FCER1A: variants seen among roughly 807,000 people sequenced by gnomAD.
FCER1A encodes high affinity immunoglobulin epsilon receptor subunit alpha.
FCER1A carries 24 observed loss-of-function variants against 23.6 expected under a neutral mutation model. The ratio of observed to expected loss-of-function variants is 1.02; its 90% CI spans 0.74 to 1.43. The LOEUF (loss-of-function observed/expected upper bound fraction) is 1.43, where lower values mean the gene tolerates loss of function less well. Among genes scored for constraint, FCER1A ranks in the 40% most tolerant of loss-of-function variants. FCER1A has a pLI of 0.00. For missense variants in FCER1A, 318 were observed against 294.5 expected (o/e 1.08, Z -0.58); for synonymous variants, 121 against 108.8 (o/e 1.11, Z -0.70).
At chr1:159,296,136 C>A (rs1480457986) in intron 1 of FCER1A, among the ~76,000 whole-genome samples, 4 of 151,856 alleles carry the variant, frequency 2.6e-5, no homozygotes, top group Non-Finnish European at 2.9e-5. Flanking sequence ...ATATTTTTAA[C>A]CTTTTGTGAT....
chr1:159,294,932 C>T (rs1437021035), intron 1 of FCER1A, among the ~76,000 whole-genome samples: 2 of 152,004 alleles, frequency 1.3e-5, no homozygotes, highest in African/African-American at 4.8e-5. Context: ...TATAATTAGC[C>T]AAAATTCTAC....
At chr1:159,305,861 A>T (rs928405005) in intron 3 of FCER1A, 127 bp from the exon 4 acceptor site, 1 of 813,670 alleles carries the variant, frequency 1.2e-6, no homozygotes, top group Non-Finnish European at 1.9e-6. Context: ...CCACTTTATG[A>T]GCCAAAAAGT....
At position 159,308,088 on chromosome 1, in the gene FCER1A, C is replaced by T. The variant is rs1652672253; in HGVS notation, c.*156C>T. 2.0e-6 allele frequency: 1 copy of T among 509,010 alleles called. No homozygotes were observed. Among genetic ancestry groups the T allele is most frequent in the South Asian group, 4.3e-5 (1 of 23,146 alleles). The allele number at this position is 509,010 out of a possible 1,614,324, so 31.5% of individuals were successfully genotyped here. On this transcript the variant is annotated 3_prime_UTR_variant, in exon 5 of 5. Transcript: ENST00000693622. ...AAACTGAGTGAAACTGGTTAAGTGG[C>T]ATGTAATAGTAAGTGCTCAATTAAC...
upstream of FCER1A, among the ~76,000 whole-genome samples, chr1:159,286,754 G>T (rs1652030535): frequency 6.6e-6 from 1 of 152,148 alleles, no homozygotes; most frequent in Non-Finnish European, 1.5e-5. Flanking sequence ...TGGGGTGCAA[G>T]CTAAAAATGA....
At position 159,307,675 on chromosome 1, in the gene FCER1A, A is replaced by T; in HGVS notation, c.590-73A>T. On this transcript the variant is annotated intron_variant, in intron 4 of 4. Coordinates refer to ENST00000693622, the MANE Select transcript of FCER1A (RefSeq NM_001387280.1). ...AAGCTTGGTCTTTCTCTTAGGGAGGATGAAACTCTGAACCTCATTTTTCAG... is the reference window on the plus strand; with the variant it reads ...AAGCTTGGTCTTTCTCTTAGGGAGGTTGAAACTCTGAACCTCATTTTTCAG... 6 of 1,146,622 alleles carry T rather than the reference A, an allele frequency of 5.2e-6. No homozygotes were observed. In the Admixed American group the frequency reaches 5.8e-5, roughly 11 times the overall value. 71.0% of individuals were successfully genotyped at this position (1,146,622 alleles called of 1,614,324 possible).
At chr1:159,287,552 T>G (rs1313254098), upstream of FCER1A, among the ~76,000 whole-genome samples, 1 of 151,976 alleles carries the variant, frequency 6.6e-6, no homozygotes, top group Non-Finnish European at 1.5e-5. Flanking sequence ...CCACAAAGGA[T>G]GAATAATTGG....
chr1:159,308,102 T>C lies in FCER1A; in HGVS notation c.*170T>C, dbSNP rs1475684149. 4.2e-6 allele frequency: 2 copies of C among 480,584 alleles called. No homozygotes were observed. Among genetic ancestry groups the C allele is most frequent in the Non-Finnish European group, 7.4e-6 (2 of 270,752 alleles). 29.8% of individuals were successfully genotyped at this position (480,584 alleles called of 1,614,324 possible). On this transcript the variant is annotated 3_prime_UTR_variant, in exon 5 of 5. Coordinates refer to ENST00000693622, the MANE Select transcript of FCER1A (RefSeq NM_001387280.1). ...TGGTTAAGTGGCATGTAATAGTAAG[T>C]GCTCAATTAACATTGGTTGAATAAA... is the stretch of plus-strand genomic sequence containing the variant.
intron 3 of FCER1A, among the ~76,000 whole-genome samples, chr1:159,304,413 A>G (rs1652536648): frequency 6.6e-6 from 1 of 152,070 alleles, no homozygotes; most frequent in South Asian, 2.1e-4. Flanking sequence ...CATCCGGCTA[A>G]CATGGTGAAA....
At chr1:159,284,967 G>T (rs936564599), upstream of FCER1A, among the ~76,000 whole-genome samples, 24 of 152,178 alleles carry the variant, frequency 1.6e-4, no homozygotes, top group African/African-American at 5.8e-4. Flanking sequence ...ATTCAAATGA[G>T]CACTGCTTAT....
intron 1 of FCER1A, among the ~76,000 whole-genome samples, chr1:159,290,130 T>C (rs1652109819): frequency 6.6e-6 from 1 of 152,192 alleles, no homozygotes; most frequent in Non-Finnish European, 1.5e-5. Flanking sequence ...AATGACCTAT[T>C]AACTTATGGT....
At chr1:159,302,822 G>C (rs1421472143) in intron 1 of FCER1A, 32 bp from the exon 2 acceptor site, 3 of 1,609,150 alleles carry the variant, frequency 1.9e-6, no homozygotes, top group Non-Finnish European at 2.6e-6. Context: ...AAGACTGCTG[G>C]ACACTAATGT....
At chr1:159,302,285 C>T, upstream of FCER1A, 1 of 962,260 alleles carries the variant, frequency 1.0e-6, no homozygotes, top group Non-Finnish European at 1.7e-6. Flanking sequence ...AAAACATTTC[C>T]TTCTGCTTTT....
chr1:159,294,972 A>G (rs1197446186), intron 1 of FCER1A, among the ~76,000 whole-genome samples: 3 of 152,248 alleles, frequency 2.0e-5, no homozygotes, highest in Non-Finnish European at 4.4e-5. Context: ...GCTAACTTTA[A>G]TGAGATAGCC....
upstream of FCER1A, among the ~76,000 whole-genome samples, chr1:159,287,146 T>C (rs1339510289): frequency 6.6e-6 from 1 of 152,220 alleles, no homozygotes; most frequent in Non-Finnish European, 1.5e-5. Flanking sequence ...TAGCCATGCA[T>C]GTGCCATGTA....
chr1:159,299,873 C>G (rs59488253), upstream of FCER1A, among the ~76,000 whole-genome samples: 13 of 151,332 alleles, frequency 8.6e-5, no homozygotes, highest in Non-Finnish European at 1.8e-4. Flanking sequence ...TTAATGTGTT[C>G]CTTCTGTGTT....
upstream of FCER1A, among the ~76,000 whole-genome samples, chr1:159,288,912 C>G (rs1380260860): frequency 6.6e-6 from 1 of 152,166 alleles, no homozygotes; most frequent in Admixed American, 6.5e-5. Context: ...ACAAAACATT[C>G]TGAGGGGTTC....
upstream of FCER1A, among the ~76,000 whole-genome samples, chr1:159,299,838 A>G: frequency 6.6e-6 from 1 of 151,296 alleles, no homozygotes; most frequent in East Asian, 1.9e-4. Flanking sequence ...CCAGGGAGGA[A>G]TAGAGCTCTT....
At chr1:159,300,516 A>G (rs1652403781), upstream of FCER1A, among the ~76,000 whole-genome samples, 1 of 151,992 alleles carries the variant, frequency 6.6e-6, no homozygotes, top group African/African-American at 2.4e-5. Context: ...CTCCAATCCT[A>G]TCCAACAACT....
chr1:159,303,264 A>T (rs559377913), intron 2 of FCER1A, among the ~76,000 whole-genome samples: 1 of 152,198 alleles, frequency 6.6e-6, no homozygotes, highest in African/African-American at 2.4e-5. Flanking sequence ...AGTTCCTTGG[A>T]TCTAAGTCCA....
Sources: allele counts gnomAD v4.1 joint callset (sites outside exome capture counted in the v4.1 genomes callset), GRCh38; gene constraint gnomAD v4.1.1; transcripts MANE v1.5; gene names NCBI Gene and HGNC (gene_info 2026-07-23, HGNC 2026-07-21).